The following ERGIC1 variants were observed in gnomAD, a reference collection of about 807,000 sequenced individuals.
ERGIC1 encodes endoplasmic reticulum-Golgi intermediate compartment protein 1.
A neutral mutation model predicts 38.3 loss-of-function variants in ERGIC1; 19 were observed. The ratio of observed to expected loss-of-function variants is 0.50; its 90% CI spans 0.35 to 0.73. ERGIC1 has a LOEUF of 0.73. Ranked by LOEUF, ERGIC1 falls within the 30% of genes least tolerant of loss-of-function variation. The pLI, the probability that ERGIC1 is intolerant of heterozygous loss-of-function variation, is 0.01. For missense variants in ERGIC1, 294 were observed against 389.2 expected, an observed-to-expected ratio of 0.76 and a Z score of 2.06; for synonymous variants, 124 against 157.6, an observed-to-expected ratio of 0.79 and a Z score of 1.60.
rs1763866918 is a variant in ERGIC1 at position 172,935,323 on chromosome 5, G to A, written c.765+13G>A. The A allele has an allele frequency of 1.2e-6, 2 of 1,613,940 alleles. No individual in the cohort carries two copies. Among genetic ancestry groups the A allele is most frequent in the African/African-American group, 1.3e-5 (1 of 75,054 alleles). On this transcript the variant is annotated intron_variant, in intron 9 of 9. Coordinates refer to ENST00000393784, the MANE Select transcript of ERGIC1 (RefSeq NM_001031711.3). ...ATTCATCACCACGGTGAGTGGCCTG[G>A]GGCAGTGGGTGGGGCCCTGAGCCAG...
chr5:172,862,179 C>T (rs1761721352), intron 1 of ERGIC1, among the ~76,000 whole-genome samples: 1 of 151,114 alleles, frequency 6.6e-6, no homozygotes, highest in Non-Finnish European at 1.5e-5. Context: ...TTAGTAGAGA[C>T]AGGGTTTCAC....
chr5:172,944,515 C>T (rs949930030), intron 9 of ERGIC1, among the ~76,000 whole-genome samples: 6 of 152,160 alleles, frequency 3.9e-5, no homozygotes, highest in Non-Finnish European at 7.3e-5. Flanking sequence ...CCTGCCACCA[C>T]GCTCAGCTAA....
Position 172,935,313 on chromosome 5 carries a change from G to C in ERGIC1, c.765+3G>C, listed in dbSNP as rs1763866659. On this transcript the variant is annotated splice_donor_region_variant and intron_variant, in intron 9 of 9. Coordinates refer to ENST00000393784, the MANE Select transcript of ERGIC1 (RefSeq NM_001031711.3). ...CGCTGTACAGATTCATCACCACGGT[G>C]AGTGGCCTGGGGCAGTGGGTGGGGC... The C allele has an allele frequency of 6.2e-7, 1 of 1,614,024 alleles. No individual in the cohort carries two copies. The highest frequency in any genetic ancestry group is 8.5e-7 in the Non-Finnish European group (1 of 1,180,010).
intron 1 of ERGIC1, among the ~76,000 whole-genome samples, chr5:172,860,121 G>T (rs1403807337): frequency 6.9e-6 from 1 of 145,404 alleles, no homozygotes; most frequent in East Asian, 2.0e-4. Context: ...CATTGATTCA[G>T]TGCCAGGGAG....
chr5:172,873,208 A>G (rs1257481396), intron 1 of ERGIC1, among the ~76,000 whole-genome samples: 1 of 152,214 alleles, frequency 6.6e-6, no homozygotes, highest in African/African-American at 2.4e-5. Context: ...ATCTGCACAC[A>G]GGATGTTGTT....
In ERGIC1 at chr5:172,894,132, C is replaced by CTTTTT. The variant is rs781661227; in HGVS notation, c.83-2850_83-2846dup. ...TCACTGTCTTATGGTGCTGATGATA[C>CTTTTT]TTTTTTTTTTTTTTTTTTTTTTTTA... On this transcript the variant is annotated intron_variant, in intron 2 of 9. Coordinates refer to ENST00000393784, the MANE Select transcript of ERGIC1 (RefSeq NM_001031711.3). 2.6e-3 allele frequency among the ~76,000 whole-genome samples: 27 copies of CTTTTT among 10,484 alleles called. 2 individuals carry two copies. Among genetic ancestry groups the CTTTTT allele is most frequent in the African/African-American group, 8.2e-3 (23 of 2,816 alleles). The allele number at this position is 10,484 out of a possible 152,430, so 6.9% of individuals were successfully genotyped here.
intron 1 of ERGIC1, among the ~76,000 whole-genome samples, chr5:172,839,836 C>G (rs747390575): frequency 6.6e-6 from 1 of 152,128 alleles, no homozygotes; most frequent in African/African-American, 2.4e-5. Flanking sequence ...CCACAGAGTT[C>G]GGAAACACGG....
intron 3 of ERGIC1, among the ~76,000 whole-genome samples, chr5:172,902,198 G>A (rs1228551551): frequency 1.3e-5 from 2 of 152,184 alleles, no homozygotes; most frequent in Non-Finnish European, 2.9e-5. Context: ...CACCCTTCTA[G>A]GGTGAGGTGG....
chr5:172,844,145 T>C (rs779401017), intron 1 of ERGIC1, among the ~76,000 whole-genome samples: 4 of 152,182 alleles, frequency 2.6e-5, no homozygotes, highest in Non-Finnish European at 4.4e-5. Flanking sequence ...CCCTCTCCCT[T>C]TGTGGTACCC....
At chr5:172,847,740 G>A (rs566833012) in intron 1 of ERGIC1, among the ~76,000 whole-genome samples, 6 of 152,196 alleles carry the variant, frequency 3.9e-5, no homozygotes, top group Non-Finnish European at 7.3e-5. Context: ...GTCTCGATCC[G>A]TTGACCTCGT....
intron 1 of ERGIC1, among the ~76,000 whole-genome samples, chr5:172,854,508 C>T (rs777325795): frequency 6.6e-6 from 1 of 152,276 alleles, no homozygotes. Flanking sequence ...CCCACGTCTG[C>T]GTGGCTCTTC....
At chr5:172,934,159 A>G (rs1763838112) in intron 8 of ERGIC1, 1 of 152,288 alleles carries the variant, frequency 6.6e-6, no homozygotes, top group South Asian at 2.1e-4. Context: ...GGCAGCAGCG[A>G]CCCAGCGGGA....
chr5:172,878,315 T>A (rs1319860326), intron 1 of ERGIC1, among the ~76,000 whole-genome samples: 1 of 152,140 alleles, frequency 6.6e-6, no homozygotes, highest in Non-Finnish European at 1.5e-5. Context: ...AGGCCTTCAC[T>A]CCTTCACCTG....
intron 1 of ERGIC1, among the ~76,000 whole-genome samples, chr5:172,840,977 C>T (rs1761145545): frequency 6.6e-6 from 1 of 152,206 alleles, no homozygotes; most frequent in Non-Finnish European, 1.5e-5. Context: ...ACTGAGCGAA[C>T]CAGAGTTATT....
intron 6 of ERGIC1, among the ~76,000 whole-genome samples, chr5:172,924,854 G>T (rs1208442874): frequency 6.6e-6 from 1 of 152,098 alleles, no homozygotes; most frequent in East Asian, 1.9e-4. Context: ...AGTACCTACC[G>T]TGTCCAGGCC....
At chr5:172,923,795 G>A (rs558255609) in intron 5 of ERGIC1, among the ~76,000 whole-genome samples, 3 of 152,336 alleles carry the variant, frequency 2.0e-5, no homozygotes, top group African/African-American at 7.2e-5. Flanking sequence ...CCCCTCGGAA[G>A]CTATGGTAGT....
intron 4 of ERGIC1, among the ~76,000 whole-genome samples, chr5:172,912,776 T>C: frequency 1.1e-5 from 1 of 88,326 alleles, no homozygotes; most frequent in East Asian, 2.1e-4. Flanking sequence ...TCTTTCTTTC[T>C]TTTTTTTTTT....
chr5:172,857,952 C>T (rs1478625619), intron 1 of ERGIC1, among the ~76,000 whole-genome samples: 3 of 152,148 alleles, frequency 2.0e-5, no homozygotes, highest in Non-Finnish European at 1.5e-5. Context: ...CTGCGAGACT[C>T]GGTGGTGAAC....
At chr5:172,903,990 T>C (rs1209307948) in intron 3 of ERGIC1, among the ~76,000 whole-genome samples, 4 of 87,636 alleles carry the variant, frequency 4.6e-5, no homozygotes, top group East Asian at 2.8e-4. Context: ...CACACACACA[T>C]TGACTCACAC....
Sources: allele counts gnomAD v4.1 joint callset (sites outside exome capture counted in the v4.1 genomes callset), GRCh38; gene constraint gnomAD v4.1.1; transcripts MANE v1.5; gene names NCBI Gene and HGNC (gene_info 2026-07-23, HGNC 2026-07-21).